The following SIGLEC9 variants were observed in gnomAD, a reference collection of about 807,000 sequenced individuals.
The protein encoded by SIGLEC9 is sialic acid binding Ig like lectin 9, also known as sialic acid-binding Ig-like lectin 9.
SIGLEC9 carries 26 observed loss-of-function variants against 38.3 expected under a neutral mutation model. The observed-to-expected ratio is 0.68, with a 90% CI of 0.50 to 0.94. The LOEUF (loss-of-function observed/expected upper bound fraction) is 0.94. Among genes scored for constraint, SIGLEC9 ranks in the 40% least tolerant of loss-of-function variants. SIGLEC9 has a pLI of 0.00. For synonymous variants in SIGLEC9, 236 were observed against 248.0 expected (o/e 0.95, Z 0.45); for missense variants, 556 against 585.7 (o/e 0.95, Z 0.52).
At chr19:51,119,895 AC>A in the SIGLEC9 span, 1 of 158,230 alleles carries the variant, frequency 6.3e-6, no homozygotes, top group Admixed American at 6.5e-5. Context: ...AAGTAAGCAG[AC>A]CCAGAGGGGT....
intron 4 of SIGLEC9, 50 bp from the exon 5 acceptor site, chr19:51,127,899 G>T (rs1290604720): frequency 2.6e-6 from 3 of 1,140,310 alleles, no homozygotes; most frequent in African/African-American, 1.6e-5. Flanking sequence ...GAGGAGAAGA[G>T]ACCCAATTCT....
In SIGLEC9 at chr19:51,127,988, G is replaced by T; in HGVS notation, c.1055G>T (p.Gly352Val). ...GGAGTGACTCAGGGGGTGGTCGGGG[G>T]AGCTGGAGCCACAGCCCTGGTCTTC... ...TSGVTQGVVG[G>V]AGATALVFLS... Residue 352 changes from glycine to valine, a missense_variant, in exon 5 of 7, where the codon GGA becomes GTA. Coordinates refer to ENST00000250360, the MANE Select transcript of SIGLEC9 (RefSeq NM_014441.3). 3 of 1,614,076 alleles carry T rather than the reference G, an allele frequency of 1.9e-6. No individual in the cohort carries two copies. The highest frequency in any genetic ancestry group is 1.7e-5 in the Admixed American group (1 of 60,018).
chr19:51,135,558 G>A (rs954876559), intron 6 of SIGLEC9, among the ~76,000 whole-genome samples: 2 of 152,104 alleles, frequency 1.3e-5, no homozygotes, highest in Non-Finnish European at 2.9e-5. Context: ...GTGTCTGGGG[G>A]ATGGTAATCT....
intron 6 of SIGLEC9, chr19:51,135,874 C>A (rs368744045): frequency 1.5e-6 from 1 of 645,258 alleles, no homozygotes; most frequent in African/African-American, 1.8e-5. Flanking sequence ...GATGTTAATA[C>A]TTCCGCTTGT....
chr19:51,127,168 C>A lies in SIGLEC9; in HGVS notation c.887C>A (p.Pro296His), dbSNP rs1158278510. 1.2e-6 allele frequency: 2 copies of A among 1,614,134 alleles called. No homozygotes were observed. Among genetic ancestry groups the A allele is most frequent in the African/African-American group, 1.3e-5 (1 of 74,944 alleles). Residue 296 changes from proline (P) to histidine (H), a missense_variant, in exon 4 of 7, where the codon CCC becomes CAC. Physicochemically the swap from Pro to His is moderately conservative, Grantham distance 77. Transcript: ENST00000250360. ...SLSWRGLTLC[P>H]SQPSNPGVLE... ...AGCTGGAGAGGCCTGACCCTGTGCC[C>A]CTCACAGCCCTCAAACCCGGGGGTG...
rs557434983 is a variant in SIGLEC9 at position 51,129,752 on chromosome 19, T to C, written c.1204-139T>C. On this transcript the variant is annotated intron_variant, in intron 6 of 6. Transcript: ENST00000250360. ...TTAGTAGAGACAGGGTTTCACCATG[T>C]TGGCCAGGCTGGTCTCAAACTCCTG... The C allele has an allele frequency of 5.8e-5, 36 of 616,826 alleles. No homozygotes were observed. In the African/African-American group the frequency reaches 6.4e-4, roughly 11 times the overall value. The allele number at this position is 616,826 out of a possible 1,614,324, so 38.2% of individuals were successfully genotyped here.
At chr19:51,131,372 G>C (rs1239798537), downstream of SIGLEC9, among the ~76,000 whole-genome samples, 2 of 152,036 alleles carry the variant, frequency 1.3e-5, no homozygotes, top group African/African-American at 2.4e-5. Context: ...CAGATCACGA[G>C]GTCAGGAGAT....
intron 6 of SIGLEC9, among the ~76,000 whole-genome samples, chr19:51,129,150 T>G (rs1460366072): frequency 7.0e-6 from 1 of 142,542 alleles, no homozygotes; most frequent in Non-Finnish European, 1.5e-5. Flanking sequence ...TTTTTTGTTT[T>G]TTTTTTTTTT....
At chr19:51,131,703 G>A (rs1256550679), downstream of SIGLEC9, among the ~76,000 whole-genome samples, 1 of 151,770 alleles carries the variant, frequency 6.6e-6, no homozygotes, top group Non-Finnish European at 1.5e-5. Context: ...ATCACTTCAG[G>A]TCAGGGGTTC....
In SIGLEC9 at chr19:51,125,020, G is replaced by C; in HGVS notation, c.46G>C (p.Glu16Gln). ...CCTGCTCTGGGGGAGGGAGAGGGCG[G>C]AAGGACAGACAAGTAAACTGCTGAC... ...LPLLWGRERA[E>Q]GQTSKLLTMQ... Residue 16 changes from glutamate to glutamine, a missense_variant, in exon 1 of 7, where the codon GAA becomes CAA. Glu to Gln is a conservative substitution (Grantham distance 29). Transcript: ENST00000250360. 6.2e-7 allele frequency: 1 copy of C among 1,613,136 alleles called. No individual in the cohort carries two copies. The highest frequency in any genetic ancestry group is 8.5e-7 in the Non-Finnish European group (1 of 1,179,342).
chr19:51,133,583 AAAATAAAT>A (rs1245591861), downstream of SIGLEC9, among the ~76,000 whole-genome samples: 1 of 152,166 alleles, frequency 6.6e-6, no homozygotes, highest in African/African-American at 2.4e-5. Flanking sequence ...CCCCATCTTG[AAAATAAAT>A]AAATAAATAA....
chr19:51,130,015 C>G lies in SIGLEC9; in HGVS notation c.1328C>G (p.Pro443Arg), dbSNP rs1458447174. The G allele has an allele frequency of 3.7e-6, 6 of 1,613,888 alleles. No homozygotes were observed. Among genetic ancestry groups the G allele is most frequent in the Non-Finnish European group, 5.1e-6 (6 of 1,179,964 alleles). Residue 443 changes from proline to arginine, a missense_variant, in exon 7 of 7, where the codon CCT becomes CGT. Physicochemically the swap from Pro to Arg is moderately radical, Grantham distance 103. Coordinates refer to ENST00000250360, the MANE Select transcript of SIGLEC9 (RefSeq NM_014441.3). ...YASLSFQMVK[P>R]WDSRGQEATD... is the part of the protein sequence containing the mutation. ...TCCCTCAGCTTCCAGATGGTGAAGC[C>G]TTGGGACTCGCGGGGACAGGAGGCC...
upstream of SIGLEC9, among the ~76,000 whole-genome samples, chr19:51,120,976 G>T (rs2091949130): frequency 6.6e-6 from 1 of 151,586 alleles, no homozygotes; most frequent in African/African-American, 2.4e-5. This position sits in a 1 kb window ranked among gnomAD's most constrained non-coding sequence, Gnocchi z 4.1. Context: ...CTCCCAAGTA[G>T]CAGAGACTAC....
At chr19:51,121,132 A>T (rs763756933), upstream of SIGLEC9, among the ~76,000 whole-genome samples, 1 of 151,674 alleles carries the variant, frequency 6.6e-6, no homozygotes, top group Non-Finnish European at 1.5e-5. Context: ...GGCGTGCACC[A>T]CTGTGCCTGG....
At chr19:51,134,506 T>A (rs1428689008), downstream of SIGLEC9, among the ~76,000 whole-genome samples, 1 of 152,220 alleles carries the variant, frequency 6.6e-6, no homozygotes, top group Admixed American at 6.5e-5. Context: ...TATGTGGTTA[T>A]GAATCAAAAC....
chr19:51,128,055 A>G lies in SIGLEC9; in HGVS notation c.1106+16A>G, dbSNP rs193172922. On this transcript the variant is annotated intron_variant, in intron 5 of 6. Coordinates refer to ENST00000250360, the MANE Select transcript of SIGLEC9 (RefSeq NM_014441.3). ...TCTTCGTTGTGTAAGCATGGACCCT[A>G]GAGAGGGAGGGAGGGAGAGCCCTGG... The G allele has an allele frequency of 8.1e-5, 130 of 1,598,780 alleles. No homozygotes were observed. The East Asian group carries it at 2.7e-3, about 33-fold the overall frequency.
chr19:51,128,047 T>G lies in SIGLEC9; in HGVS notation c.1106+8T>G. 3 of 1,608,722 alleles carry G rather than the reference T, an allele frequency of 1.9e-6. No individual in the cohort carries two copies. Among genetic ancestry groups the G allele is most frequent in the Non-Finnish European group, 2.6e-6 (3 of 1,175,394 alleles). On this transcript the variant is annotated splice_region_variant and intron_variant, in intron 5 of 6. Coordinates refer to ENST00000250360, the MANE Select transcript of SIGLEC9 (RefSeq NM_014441.3). The stretch of plus-strand genomic sequence containing the variant: ...CTGCGTCATCTTCGTTGTGTAAGCA[T>G]GGACCCTAGAGAGGGAGGGAGGGAG...
At chr19:51,131,958 T>C (rs1391780031), downstream of SIGLEC9, among the ~76,000 whole-genome samples, 1 of 151,398 alleles carries the variant, frequency 6.6e-6, no homozygotes, top group Non-Finnish European at 1.5e-5. Context: ...TTGGATATGG[T>C]TTGTTTGGCC....
At chr19:51,125,480 G>T (rs1440953206) in intron 1 of SIGLEC9, 85 bp downstream of exon 1, 16 of 1,550,168 alleles carry the variant, frequency 1.0e-5, no homozygotes, top group Non-Finnish European at 1.3e-5. Context: ...TGCCCCAGGA[G>T]AGGGCTTAGG....
Sources: gnomAD v4.1 joint callset for allele counts (sites outside exome capture counted in the v4.1 genomes callset) on GRCh38, gnomAD v4.1.1 for gene constraint, Gnocchi (gnomAD v3.1) non-coding constraint, MANE v1.5 for transcripts, NCBI Gene and HGNC (gene_info 2026-07-23, HGNC 2026-07-21) for gene names.